RNF123: variants seen among roughly 807,000 people sequenced by gnomAD.
RNF123 encodes the protein E3 ubiquitin-protein ligase RNF123.
A neutral mutation model predicts 168.5 loss-of-function variants in RNF123; 86 were observed. That is an observed-to-expected ratio of 0.51 (90% confidence interval 0.43 to 0.61). The LOEUF (loss-of-function observed/expected upper bound fraction) is 0.61, where lower values mean the gene tolerates loss of function less well. Ranked by LOEUF, RNF123 falls within the 20% of genes least tolerant of loss-of-function variation. RNF123 has a pLI of 0.00. For missense variants in RNF123, 1,419 were observed against 1,729.7 expected, an observed-to-expected ratio of 0.82 and a Z score of 3.19; for synonymous variants, 666 against 689.1, an observed-to-expected ratio of 0.97 and a Z score of 0.52.
Position 49,720,318 on chromosome 3 carries a change from A to G in RNF123, c.3501-193A>G, listed in dbSNP as rs1301970124. The G allele has an allele frequency of 1.3e-4, 28 of 213,912 alleles. No individual in the cohort carries two copies. In the East Asian group the frequency reaches 2.8e-3, roughly 22 times the overall value. 13.3% of individuals were successfully genotyped at this position (213,912 alleles called of 1,614,324 possible). On this transcript the variant is annotated intron_variant, in intron 35 of 38. Coordinates refer to ENST00000327697, the MANE Select transcript of RNF123 (RefSeq NM_022064.5). ...GCAACAGAGCGAGACTCGTCTCAAG[A>G]AAAAAAAAAAAAAAACAGGCTGTGT...
rs1432311374 is a variant in RNF123 at position 49,721,254 on chromosome 3, A to G, written c.3894A>G (p.Val1298=). 8 of 1,614,216 alleles carry G rather than the reference A, an allele frequency of 5.0e-6. No individual in the cohort carries two copies. The highest frequency in any genetic ancestry group is 6.8e-6 in the Non-Finnish European group (8 of 1,180,020). The part of the protein sequence containing the change: ...CFFCKTTIVS[V]EDWEKGANTS... ...TCTGCAAAACCACCATCGTGTCTGT[A>G]GAGGACTGGGAGAAGGGAGCCAATA... Residue 1298 remains valine, a synonymous_variant, in exon 39 of 39, where the codon GTA becomes GTG. Transcript: ENST00000327697.
At chr3:49,718,463 C>T (rs1351104410) in intron 35 of RNF123, 2 of 1,612,912 alleles carry the variant, frequency 1.2e-6, no homozygotes, top group Middle Eastern at 1.6e-4. Context: ...GCCAAGCTGC[C>T]GTCGGCCAGC....
At chr3:49,718,195 C>T (rs1331010679) in intron 35 of RNF123, 2 of 1,612,960 alleles carry the variant, frequency 1.2e-6, no homozygotes, top group Non-Finnish European at 1.7e-6. Context: ...TTGGAGCGGG[C>T]TGGGTGTTTG....
chr3:49,718,488 A>G, intron 35 of RNF123: 1 of 1,613,088 alleles, frequency 6.2e-7, no homozygotes, highest in Non-Finnish European at 8.5e-7. Context: ...CGATGCTGCC[A>G]TCGCGGGATC....
chr3:49,694,522 G>A (rs1348661526), intron 3 of RNF123, among the ~76,000 whole-genome samples: 7 of 152,172 alleles, frequency 4.6e-5, no homozygotes, highest in African/African-American at 1.2e-4. Context: ...GGCTGGAGTC[G>A]TGTGGCTAGA....
In RNF123 at chr3:49,698,665, C is replaced by T. The variant is rs549785868; in HGVS notation, c.571-90C>T. The T allele has an allele frequency of 2.4e-5, 38 of 1,553,332 alleles. No homozygotes were observed. In the South Asian group the frequency reaches 2.7e-4, roughly 11 times the overall value. ...GGTCCTTTGTCCTTGTGGCTAGTCTCCCTTGGGTGGTTCTGGAAACGCAGC... is the reference window on the plus strand; with the variant it reads ...GGTCCTTTGTCCTTGTGGCTAGTCTTCCTTGGGTGGTTCTGGAAACGCAGC... On this transcript the variant is annotated intron_variant, in intron 8 of 38. Coordinates refer to ENST00000327697, the MANE Select transcript of RNF123 (RefSeq NM_022064.5).
chr3:49,689,939 C>G (rs1210597252), intron 1 of RNF123: 3 of 152,212 alleles, frequency 2.0e-5, no homozygotes, highest in Non-Finnish European at 4.4e-5. Flanking sequence ...AACTGACTCC[C>G]GGAGCCCACT....
In RNF123 at chr3:49,720,901, G is replaced by A. The variant is rs536870131; in HGVS notation, c.3738+7G>A. 1.2e-6 allele frequency: 2 copies of A among 1,613,984 alleles called. No individual in the cohort carries two copies. Among genetic ancestry groups the A allele is most frequent in the South Asian group, 1.1e-5 (1 of 91,070 alleles). The stretch of plus-strand genomic sequence containing the variant: ...GGCAGCAGCTGCCTCCCTGGTGAGT[G>A]GGAACACGGTGCACAGGTCCATGCC... On this transcript the variant is annotated splice_region_variant and intron_variant, in intron 37 of 38. Coordinates refer to ENST00000327697, the MANE Select transcript of RNF123 (RefSeq NM_022064.5).
intron 35 of RNF123, chr3:49,718,816 T>G (rs762424197): frequency 6.2e-7 from 1 of 1,613,310 alleles, no homozygotes; most frequent in East Asian, 2.2e-5. Flanking sequence ...AGGGTTGTTG[T>G]GCAAGTAGAG....
rs770524861 is a variant in RNF123, at chr3:49,705,582, A to G, written c.2207A>G (p.Glu736Gly). Residue 736 changes from glutamate to glycine, a missense_variant, in exon 24 of 39, where the codon GAG becomes GGG. By Grantham distance (98) the Glu-to-Gly change is moderately conservative. Transcript: ENST00000327697. The part of the protein sequence containing the change: ...NEGLLLGRPP[E>G]EPEQPLTENS... Reference sequence around the variant, plus strand: ...GGCTTGCTGCTGGGGCGGCCCCCCGAGGAGCCTGAGCAGCCCCTCACCGAG... The same window carrying G: ...GGCTTGCTGCTGGGGCGGCCCCCCGGGGAGCCTGAGCAGCCCCTCACCGAG... 11 of 1,610,980 alleles carry G rather than the reference A, an allele frequency of 6.8e-6. No individual in the cohort carries two copies. Among genetic ancestry groups the G allele is most frequent in the African/African-American group, 1.3e-5 (1 of 74,730 alleles).
intron 5 of RNF123, among the ~76,000 whole-genome samples, 161 bp from the exon 6 acceptor site, chr3:49,697,724 A>G (rs1181357830): frequency 6.6e-6 from 1 of 151,996 alleles, no homozygotes; most frequent in African/African-American, 2.4e-5. Flanking sequence ...ATCCTTCCTG[A>G]TACAAGCCTA....
chr3:49,720,612 C>T lies in RNF123; in HGVS notation c.3602C>T (p.Ala1201Val). The T allele has an allele frequency of 3.7e-6, 6 of 1,607,620 alleles. No individual in the cohort carries two copies. The highest frequency in any genetic ancestry group is 5.1e-6 in the Non-Finnish European group (6 of 1,175,582). ...CCAGAGCCCCCAGCACCTGGCACTG[C>T]TCTGCCAGCCCCTGACCGGAAGCGC... is the stretch of plus-strand genomic sequence containing the variant. ...GQPEPPAPGT[A>V]LPAPDRKRFS... The change falls in exon 36 of 39, where the codon GCT (alanine) becomes GTT (valine). Residue 1201 changes from alanine (A) to valine (V), a missense_variant. Physicochemically the swap from Ala to Val is moderately conservative, Grantham distance 64 (BLOSUM62 0). Coordinates refer to ENST00000327697, the MANE Select transcript of RNF123 (RefSeq NM_022064.5).
At position 49,720,791 on chromosome 3, in the gene RNF123, A is replaced by C; in HGVS notation, c.3644-9A>C. 6.2e-7 allele frequency: 1 copy of C among 1,613,268 alleles called. No individual in the cohort carries two copies. On this transcript the variant is annotated splice_polypyrimidine_tract_variant and intron_variant, in intron 36 of 38. Transcript: ENST00000327697. ...TACCTCTGACTTGACACTACCTACC[A>C]CTCCCCAGATGCGGATTATATCAGT...
In RNF123 at chr3:49,719,037, G is replaced by T. The variant is rs763477260; in HGVS notation, c.3501-1474G>T. 4 of 1,613,898 alleles carry T rather than the reference G, an allele frequency of 2.5e-6. No individual in the cohort carries two copies. Among genetic ancestry groups the T allele is most frequent in the Middle Eastern group, 1.6e-4 (1 of 6,062 alleles). On this transcript the variant is annotated intron_variant, in intron 35 of 38. Coordinates refer to ENST00000327697, the MANE Select transcript of RNF123 (RefSeq NM_022064.5). ...CATGCTCGTCCAAGTGCACCAAGCG[G>T]TTATTGAACAGAAGCAGCTTCTCCA... is the stretch of plus-strand genomic sequence containing the variant.
intron 18 of RNF123, 41 bp from the exon 19 acceptor site, chr3:49,702,293 A>G: frequency 6.2e-7 from 1 of 1,609,470 alleles, no homozygotes; most frequent in Non-Finnish European, 8.5e-7. Context: ...CTGGGCCTGC[A>G]TTCTCAGCTC....
intron 26 of RNF123, among the ~76,000 whole-genome samples, chr3:49,709,423 C>T (rs571141725): frequency 1.3e-5 from 2 of 152,222 alleles, no homozygotes; most frequent in South Asian, 2.1e-4. Flanking sequence ...GCCTCAGCCT[C>T]CCGAGTAGCT....
chr3:49,691,463 C>T lies in RNF123; in HGVS notation c.121C>T (p.Arg41Cys), dbSNP rs759846228. 21 of 1,614,084 alleles carry T rather than the reference C, an allele frequency of 1.3e-5. No homozygotes were observed. The highest frequency in any genetic ancestry group is 1.0e-4 in the Admixed American group (6 of 59,996). ...QEKLLNDYLN[R>C]IFSSSEHAPP... Reference sequence around the variant, plus strand: ...GAAGCTGCTGAATGACTACCTGAACCGCATCTTTTCCTCTTCTGAACATGC... The same window carrying T: ...GAAGCTGCTGAATGACTACCTGAACTGCATCTTTTCCTCTTCTGAACATGC... The change falls in exon 3 of 39, where the codon CGC (arginine) becomes TGC (cysteine). Residue 41 changes from arginine (R) to cysteine (C), a missense_variant. Physicochemically the swap from Arg to Cys is radical, Grantham distance 180. Around this residue, in one of 5 missense-constraint regions of RNF123, gnomAD observed 318 missense variants for 446.6 expected, o/e 0.71. Coordinates refer to ENST00000327697, the MANE Select transcript of RNF123 (RefSeq NM_022064.5).
chr3:49,701,826 G>A lies in RNF123; in HGVS notation c.1411G>A (p.Glu471Lys), dbSNP rs764908028. 5 of 1,572,964 alleles carry A rather than the reference G, an allele frequency of 3.2e-6. No individual in the cohort carries two copies. Among genetic ancestry groups the A allele is most frequent in the Non-Finnish European group, 4.3e-6 (5 of 1,159,376 alleles). The change falls in exon 17 of 39, where the codon GAG (glutamate) becomes AAG (lysine). Residue 471 changes from glutamate to lysine, a missense_variant. Physicochemically the swap from Glu to Lys is moderately conservative, Grantham distance 56. Transcript: ENST00000327697. The stretch of plus-strand genomic sequence containing the variant: ...CCCTGCCTAGGGCAAAGAGAGCACG[G>A]AGATGAAGGAGGAGACCGCAGAGGA... ...CSSREGKEST[E>K]MKEETAEERL...
In RNF123 at chr3:49,713,995, A is replaced by G; in HGVS notation, c.2923A>G (p.Arg975Gly). ...CAACTGGATCCTGGTGCGGCTCTGG[A>G]GGGTAAGCCTGACTCGAGGGGAAGT... ...QTNWILVRLW[R>G]GCGFGYRYTR... The change falls in exon 30 of 39, where the codon AGG (arginine) becomes GGG (glycine). Residue 975 changes from arginine to glycine, a missense_variant and splice_region_variant. Arg to Gly is a moderately radical substitution (Grantham distance 125). Transcript: ENST00000327697. 1 of 1,613,982 alleles carries G rather than the reference A, an allele frequency of 6.2e-7. No homozygotes were observed. Among genetic ancestry groups the G allele is most frequent in the South Asian group, 1.1e-5 (1 of 91,078 alleles).
Sources: allele counts gnomAD v4.1 joint callset (sites outside exome capture counted in the v4.1 genomes callset), GRCh38; gene constraint gnomAD v4.1.1; regional missense constraint gnomAD v4.1.1; transcripts MANE v1.5; gene names NCBI Gene and HGNC (gene_info 2026-07-23, HGNC 2026-07-21).